The following HPSE variants were observed in gnomAD, a reference collection of about 807,000 sequenced individuals.
HPSE encodes endo-glucoronidase.
A neutral mutation model predicts 65.1 loss-of-function variants in HPSE; 48 were observed. That is an observed-to-expected ratio of 0.74 (90% CI 0.58 to 0.94). The LOEUF (loss-of-function observed/expected upper bound fraction) is 0.94, where lower values mean the gene tolerates loss of function less well. Ranked by LOEUF, HPSE falls within the 40% of genes least tolerant of loss-of-function variation. HPSE has a pLI of 0.00. For synonymous variants in HPSE, 243 were observed against 260.0 expected (o/e 0.93, Z 0.63); for missense variants, 644 against 637.5 (o/e 1.01, Z -0.11).
intron 8 of HPSE, among the ~76,000 whole-genome samples, chr4:83,306,959 C>A (rs1052728551): frequency 6.6e-6 from 1 of 152,124 alleles, no homozygotes; most frequent in African/African-American, 2.4e-5. Context: ...TCATTTGAGA[C>A]CACCCAGACC....
intron 9 of HPSE, among the ~76,000 whole-genome samples, chr4:83,305,798 AT>A (rs1578008409): frequency 2.0e-5 from 3 of 152,206 alleles, no homozygotes; most frequent in African/African-American, 7.2e-5. Flanking sequence ...GTACTGGCTC[AT>A]TTTAAGGTTA....
At chr4:83,329,600 A>G (rs1174162039) in intron 1 of HPSE, among the ~76,000 whole-genome samples, 1 of 152,212 alleles carries the variant, frequency 6.6e-6, no homozygotes, top group Non-Finnish European at 1.5e-5. Context: ...GCCAATTTCC[A>G]TGGTAAATAT....
rs765434485 is a variant in HPSE, at chr4:83,295,459, T to C, written c.1517A>G (p.Gln506Arg). The C allele has an allele frequency of 6.2e-7, 1 of 1,612,944 alleles. No homozygotes were observed. The highest frequency in any genetic ancestry group is 1.7e-5 in the Admixed American group (1 of 59,950). The change falls in exon 12 of 12, where the codon CAA (glutamine) becomes CGA (arginine). Residue 506 changes from glutamine (Q) to arginine (R), a missense_variant. Physicochemically the swap from Gln to Arg is conservative, Grantham distance 43. Coordinates refer to ENST00000311412, the MANE Select transcript of HPSE (RefSeq NM_001098540.3). ...NGLTLKMVDD[Q>R]TLPPLMEKPL... is the part of the protein sequence containing the mutation. ...TTTTTCCATTAAAGGTGGCAAGGTT[T>C]GATCATCCACCATCTTTAGAGTTAG...
intron 8 of HPSE, among the ~76,000 whole-genome samples, chr4:83,307,550 G>C (rs911675341): frequency 6.6e-6 from 1 of 152,122 alleles, no homozygotes; most frequent in African/African-American, 2.4e-5. Context: ...CTGGTCCTAT[G>C]AGGTCCCTGC....
chr4:83,313,287 C>T lies in HPSE; in HGVS notation c.500G>A (p.Arg167Lys), dbSNP rs1736494180. The change falls in exon 4 of 12, where the codon AGA (arginine) becomes AAA (lysine). Residue 167 changes from arginine (R) to lysine (K), a missense_variant and splice_region_variant. Coordinates refer to ENST00000311412, the MANE Select transcript of HPSE (RefSeq NM_001098540.3). Reference protein sequence around the residue: ...QKKFKNSTYSRSSVDVLYTFA... With the variant: ...QKKFKNSTYSKSSVDVLYTFA... The stretch of plus-strand genomic sequence containing the variant: ...AGTGTATAGCACATCTACAGAGCTT[C>T]CTAAAAGAAAAACGTCACAATTTAA... 6.3e-7 allele frequency: 1 copy of T among 1,598,132 alleles called. No homozygotes were observed. The highest frequency in any genetic ancestry group is 1.1e-5 in the South Asian group (1 of 88,122).
chr4:83,331,537 T>C (rs942836506), intron 1 of HPSE, among the ~76,000 whole-genome samples: 7 of 152,212 alleles, frequency 4.6e-5, no homozygotes, highest in African/African-American at 1.7e-4. Flanking sequence ...ACAGTTAGGC[T>C]TAGGAAGTAT....
chr4:83,305,194 T>C (rs1346178208), intron 9 of HPSE, among the ~76,000 whole-genome samples: 2 of 152,222 alleles, frequency 1.3e-5, no homozygotes. Flanking sequence ...CAAAGGTTTA[T>C]GTCTGGGCCC....
chr4:83,315,790 C>A (rs934151958), intron 3 of HPSE, among the ~76,000 whole-genome samples: 1 of 152,126 alleles, frequency 6.6e-6, no homozygotes, highest in African/African-American at 2.4e-5. Context: ...CACAAAAAAC[C>A]CTTACAGCTA....
chr4:83,328,353 G>A (rs1463625059), intron 1 of HPSE, among the ~76,000 whole-genome samples: 2 of 152,042 alleles, frequency 1.3e-5, no homozygotes, highest in Non-Finnish European at 2.9e-5. Flanking sequence ...TTCTCCCTAT[G>A]TGCGTGTCTG....
intron 11 of HPSE, among the ~76,000 whole-genome samples, chr4:83,299,217 A>T (rs1290773991): frequency 6.6e-6 from 1 of 151,866 alleles, no homozygotes; most frequent in Admixed American, 6.6e-5. Context: ...TACAAAAATT[A>T]GCCAGGCGTG....
rs142896209 is a variant in HPSE at position 83,322,173 on chromosome 4, G to A, written c.373+46C>T. 5.2e-3 allele frequency: 7,969 copies of A among 1,532,326 alleles called. 28 individuals carry two copies. The highest frequency in any genetic ancestry group is 6.1e-3 in the Non-Finnish European group (6,821 of 1,111,418). 94.9% of individuals were successfully genotyped at this position (1,532,326 alleles called of 1,614,324 possible). A position where few individuals can be genotyped will look rare whatever the true frequency, so the allele number is the denominator to read the frequency against. On this transcript the variant is annotated intron_variant, in intron 2 of 11. Coordinates refer to ENST00000311412, the MANE Select transcript of HPSE (RefSeq NM_001098540.3). ...GTTTTCTCAAAGCATTCTCATGACGGACTGACGTTAATTAAAATATAGAGT... is the reference window on the plus strand; with the variant it reads ...GTTTTCTCAAAGCATTCTCATGACGAACTGACGTTAATTAAAATATAGAGT...
chr4:83,331,512 T>C (rs1448018919), intron 1 of HPSE, among the ~76,000 whole-genome samples: 2 of 152,236 alleles, frequency 1.3e-5, no homozygotes, highest in Non-Finnish European at 2.9e-5. Flanking sequence ...CTGGGCTCTC[T>C]TTGGAGTTCT....
chr4:83,324,467 T>G (rs1295315653), intron 1 of HPSE, among the ~76,000 whole-genome samples: 6 of 152,216 alleles, frequency 3.9e-5, no homozygotes, highest in African/African-American at 1.4e-4. Context: ...TCTCTTGTGT[T>G]AAAACTTCAG....
chr4:83,331,171 T>C (rs1030931337), intron 1 of HPSE, among the ~76,000 whole-genome samples: 8 of 151,556 alleles, frequency 5.3e-5, no homozygotes, highest in Admixed American at 4.6e-4. Flanking sequence ...GCCATTGTAC[T>C]CTAGCTTGGG....
At chr4:83,333,323 G>A (rs919549161) in intron 1 of HPSE, among the ~76,000 whole-genome samples, 51 of 152,306 alleles carry the variant, frequency 3.3e-4, no homozygotes, top group African/African-American at 1.0e-3. Context: ...AGAAATCAAG[G>A]TTGGTGTGGC....
At position 83,301,119 on chromosome 4, in the gene HPSE, A is replaced by C. The variant is rs1425231103; in HGVS notation, c.1326-13T>G. 5.2e-6 allele frequency: 8 copies of C among 1,531,202 alleles called. No individual in the cohort carries two copies. The highest frequency in any genetic ancestry group is 7.1e-6 in the Non-Finnish European group (8 of 1,129,578). The allele number at this position is 1,531,202 out of a possible 1,614,324, so 94.9% of individuals were successfully genotyped here. A position where few individuals can be genotyped will look rare whatever the true frequency, so the allele number is the denominator to read the frequency against. On this transcript the variant is annotated splice_polypyrimidine_tract_variant and intron_variant, in intron 10 of 11. Coordinates refer to ENST00000311412, the MANE Select transcript of HPSE (RefSeq NM_001098540.3). ...TTTATACCTTGGACTAAAAGCAAAGAGGTTAACTTAATAGAAATATGTATC... is the reference window on the plus strand; with the variant it reads ...TTTATACCTTGGACTAAAAGCAAAGCGGTTAACTTAATAGAAATATGTATC...
At chr4:83,320,779 C>T (rs1736860695) in intron 2 of HPSE, among the ~76,000 whole-genome samples, 1 of 152,100 alleles carries the variant, frequency 6.6e-6, no homozygotes, top group Non-Finnish European at 1.5e-5. Flanking sequence ...ACTTGCATAA[C>T]CCCAGTTTCC....
chr4:83,327,806 A>G (rs1238013780), intron 1 of HPSE, among the ~76,000 whole-genome samples: 1 of 152,200 alleles, frequency 6.6e-6, no homozygotes, highest in East Asian at 1.9e-4. Flanking sequence ...TATTTACACC[A>G]CAGAAATCAG....
chr4:83,301,344 A>G (rs1001247930), intron 10 of HPSE, among the ~76,000 whole-genome samples: 2 of 152,034 alleles, frequency 1.3e-5, no homozygotes, highest in Non-Finnish European at 2.9e-5. Flanking sequence ...TCATGCTACC[A>G]ATGTCTGGGC....
Sources: allele counts gnomAD v4.1 joint callset (sites outside exome capture counted in the v4.1 genomes callset), GRCh38; gene constraint gnomAD v4.1.1; transcripts MANE v1.5; gene names NCBI Gene and HGNC (gene_info 2026-07-23, HGNC 2026-07-21).